VPS13B: variants seen among roughly 807,000 people sequenced by gnomAD.
VPS13B encodes the protein vacuolar protein sorting 13 homolog B, also known as intermembrane lipid transfer protein VPS13B.
VPS13B carries 285 observed loss-of-function variants against 426.4 expected under a neutral mutation model. The observed-to-expected ratio is 0.67, with a 90% CI of 0.61 to 0.74. The LOEUF (loss-of-function observed/expected upper bound fraction) is 0.74. VPS13B is among the 30% of genes least tolerant of loss of function. VPS13B has a pLI of 0.00. For synonymous variants in VPS13B, 1,676 were observed against 1,676.4 expected, an observed-to-expected ratio of 1.00 and a Z score of 0.01; for missense variants, 4,537 against 4,782.6, an observed-to-expected ratio of 0.95 and a Z score of 1.51.
chr8:99,308,897 A>T (rs1820794884), intron 19 of VPS13B, among the ~76,000 whole-genome samples: 1 of 152,088 alleles, frequency 6.6e-6, no homozygotes, highest in Admixed American at 6.5e-5. Context: ...ATGGTATCTC[A>T]TTGTGGTTTT....
chr8:99,649,074 G>T (rs1036186005), intron 34 of VPS13B, among the ~76,000 whole-genome samples: 4 of 151,986 alleles, frequency 2.6e-5, no homozygotes, highest in Non-Finnish European at 5.9e-5. Context: ...TTCTGATGAG[G>T]AATCCATGTT....
At chr8:99,053,246 C>T (rs554657288) in intron 3 of VPS13B, among the ~76,000 whole-genome samples, 1 of 152,032 alleles carries the variant, frequency 6.6e-6, no homozygotes, top group African/African-American at 2.4e-5. Flanking sequence ...CCCATTAACT[C>T]GTCATTAAGC....
At chr8:99,146,412 A>G (rs1031514797) in intron 13 of VPS13B, among the ~76,000 whole-genome samples, 2 of 152,222 alleles carry the variant, frequency 1.3e-5, no homozygotes, top group African/African-American at 4.8e-5. Context: ...TCCCACTGTC[A>G]GTACCATGCT....
At position 99,148,802 on chromosome 8, in the gene VPS13B, A is replaced by G. The variant is rs1303470839; in HGVS notation, c.2013+792A>G. On this transcript the variant is annotated intron_variant, in intron 14 of 61. Coordinates refer to ENST00000357162, the MANE Select transcript of VPS13B (RefSeq NM_152564.5). ...TAGGACAACCTGTAAACAAAGGGCC[A>G]AATGACTTCTATTGGTACATGGTGG... 2.6e-5 allele frequency among the ~76,000 whole-genome samples: 4 copies of G among 152,380 alleles called. No homozygotes were observed. In the East Asian group the frequency reaches 7.7e-4, roughly 29 times the overall value.
rs1833304538 is a variant in VPS13B, at chr8:99,725,430, C to T, written c.7050+4383C>T. ...AGCGCAAACCCTATTGTGAACTGCG[C>T]ATGTGAGGGATCTAGGTTGTGGACT... On this transcript the variant is annotated intron_variant, in intron 39 of 61. Transcript: ENST00000357162. Among the ~76,000 whole-genome samples, 3 of 152,290 alleles carry T rather than the reference C, an allele frequency of 2.0e-5. No homozygotes were observed. In the South Asian group the frequency reaches 6.2e-4, roughly 32 times the overall value.
chr8:99,203,046 CAA>C (rs55927083), intron 17 of VPS13B, among the ~76,000 whole-genome samples: 111,766 of 136,456 alleles, frequency 0.82, 45,048 homozygotes, highest in South Asian at 0.88. Context: ...GAGACTGTCT[CAA>C]AAAAAAAAAA....
intron 23 of VPS13B, among the ~76,000 whole-genome samples, chr8:99,466,480 A>G (rs551651127): frequency 1.3e-5 from 2 of 152,296 alleles, no homozygotes; most frequent in South Asian, 4.1e-4. Context: ...GTTTAAAAAT[A>G]TTCTAATACT....
intron 36 of VPS13B, among the ~76,000 whole-genome samples, chr8:99,703,839 A>G (rs1832387306): frequency 6.6e-6 from 1 of 152,034 alleles, no homozygotes; most frequent in African/African-American, 2.4e-5. Context: ...CACTCCTTAG[A>G]TTTCGACAAA....
chr8:99,314,144 G>C (rs1430615680), intron 19 of VPS13B, among the ~76,000 whole-genome samples: 1 of 152,010 alleles, frequency 6.6e-6, no homozygotes, highest in Non-Finnish European at 1.5e-5. Flanking sequence ...GCCCTGCTTT[G>C]GCTCATGCTC....
Position 99,477,186 on chromosome 8 carries a change from C to A in VPS13B, c.3667-4413C>A, listed in dbSNP as rs191219878. ...TCATGGTCAAAGATACCTATATATT[C>A]CTTTTTATTTTCTGGGTATCCTGTC... On this transcript the variant is annotated intron_variant, in intron 24 of 61. Transcript: ENST00000357162. Among the ~76,000 whole-genome samples the A allele has an allele frequency of 3.3e-5, 5 of 152,214 alleles. No individual in the cohort carries two copies. In the East Asian group the frequency reaches 9.6e-4, roughly 29 times the overall value.
At chr8:99,632,143 T>C (rs968666968) in intron 33 of VPS13B, among the ~76,000 whole-genome samples, 1 of 151,970 alleles carries the variant, frequency 6.6e-6, no homozygotes, top group African/African-American at 2.4e-5. Context: ...GAATGTGATA[T>C]TCTAAAATTT....
At position 99,433,951 on chromosome 8, in the gene VPS13B, G is replaced by A. The variant is rs189772624; in HGVS notation, c.3210+2287G>A. Among the ~76,000 whole-genome samples the A allele has an allele frequency of 1.2e-4, 18 of 151,882 alleles. No individual in the cohort carries two copies. In the East Asian group the frequency reaches 1.4e-3, roughly 11 times the overall value. Reference sequence around the variant, plus strand: ...CTCCCCAGTAGCTGGAATTACAGGCGCCCACCACCACGCCCAGCTAATTAT... The same window carrying A: ...CTCCCCAGTAGCTGGAATTACAGGCACCCACCACCACGCCCAGCTAATTAT... On this transcript the variant is annotated intron_variant, in intron 22 of 61. Transcript: ENST00000357162.
chr8:99,422,573 T>C (rs1455408941), intron 21 of VPS13B, among the ~76,000 whole-genome samples: 1 of 152,190 alleles, frequency 6.6e-6, no homozygotes, highest in African/African-American at 2.4e-5. Context: ...GTCTGTATTT[T>C]AAGCTAATTA....
chr8:99,276,670 A>G (rs1415539353), intron 19 of VPS13B, among the ~76,000 whole-genome samples: 1 of 152,200 alleles, frequency 6.6e-6, no homozygotes, highest in Non-Finnish European at 1.5e-5. Flanking sequence ...TAACATGGTT[A>G]TAAGAAGAAG....
At chr8:99,507,931 T>A (rs1314924722) in intron 28 of VPS13B, 4 of 1,613,962 alleles carry the variant, frequency 2.5e-6, no homozygotes, top group Non-Finnish European at 3.4e-6. Flanking sequence ...TACTTTAAAT[T>A]ATGCTACACA....
At chr8:99,806,799 G>A (rs1430318252) in intron 43 of VPS13B, among the ~76,000 whole-genome samples, 4 of 152,152 alleles carry the variant, frequency 2.6e-5, no homozygotes, top group East Asian at 3.9e-4. Flanking sequence ...TTTAGTCAGT[G>A]GGTCCAACAA....
At chr8:99,139,476 CG>C (rs1810273220) in intron 12 of VPS13B, among the ~76,000 whole-genome samples, 1 of 142,232 alleles carries the variant, frequency 7.0e-6, no homozygotes, top group Non-Finnish European at 1.5e-5. Context: ...CTTCCTCTGT[CG>C]CCCAGGCTGG....
chr8:99,769,535 C>T (rs1811380729), intron 40 of VPS13B, among the ~76,000 whole-genome samples: 2 of 152,040 alleles, frequency 1.3e-5, no homozygotes, highest in East Asian at 1.9e-4. Flanking sequence ...GACTATTGGA[C>T]ATTACTGGAA....
chr8:99,560,711 C>G (rs1563796898), intron 31 of VPS13B, among the ~76,000 whole-genome samples: 1 of 152,170 alleles, frequency 6.6e-6, no homozygotes, highest in Non-Finnish European at 1.5e-5. Flanking sequence ...ATATTTTCAT[C>G]ATAAAGGAGA....
Sources: gnomAD v4.1 joint callset for allele counts (sites outside exome capture counted in the v4.1 genomes callset) on GRCh38, gnomAD v4.1.1 for gene constraint, MANE v1.5 for transcripts, NCBI Gene and HGNC (gene_info 2026-07-23, HGNC 2026-07-21) for gene names.